ANO4: variants seen among roughly 807,000 people sequenced by gnomAD.
The protein encoded by ANO4 is anoctamin-4.
ANO4 carries 69 observed loss-of-function variants against 141.9 expected under a neutral mutation model. That is an observed-to-expected ratio of 0.49 (90% CI 0.40 to 0.59). ANO4 has a LOEUF of 0.59. Among genes scored for constraint, ANO4 ranks in the 20% least tolerant of loss-of-function variants. ANO4 has a pLI of 0.00. For missense variants in ANO4, 894 were observed against 1,162.2 expected (o/e 0.77, Z 3.36); for synonymous variants, 350 against 394.3 (o/e 0.89, Z 1.33).
chr12:100,740,009 C>A (rs967746335), exon 3 of ANO4: 3 of 702,460 alleles, frequency 4.3e-6, no homozygotes, highest in Admixed American at 4.0e-5. Flanking sequence ...CAAGACTGAC[C>A]AGGCCACACC....
chr12:100,859,473 A>G (rs1367845500), intron 1 of ANO4, among the ~76,000 whole-genome samples: 1 of 152,156 alleles, frequency 6.6e-6, no homozygotes, highest in Non-Finnish European at 1.5e-5. Flanking sequence ...GAGTAATGTT[A>G]TGGTGGCAGA....
chr12:100,769,041 T>A (rs554581214), intron 3 of ANO4, among the ~76,000 whole-genome samples: 1 of 152,350 alleles, frequency 6.6e-6, no homozygotes, highest in South Asian at 2.1e-4. Flanking sequence ...GTAGCTTCTC[T>A]GTTGAAACCA....
At position 100,741,946 on chromosome 12, in the gene ANO4, A is replaced by G. The variant is rs939457586; in HGVS notation, c.358+1841A>G. 3.9e-5 allele frequency among the ~76,000 whole-genome samples: 6 copies of G among 152,084 alleles called. 1 individual carries two copies. Among genetic ancestry groups the G allele is most frequent in the Admixed American group, 2.6e-4 (4 of 15,260 alleles). On this transcript the variant is annotated intron_variant, in intron 3 of 29. Coordinates refer to the ANO4 transcript ENST00000644049. ...ATTAACATTTTATCATGGTTCCCTT[A>G]GTTGACTTTTTTTCTCCTCCATAGA...
intron 3 of ANO4, among the ~76,000 whole-genome samples, chr12:100,925,207 T>G (rs576507508): frequency 6.6e-6 from 1 of 152,180 alleles, no homozygotes; most frequent in South Asian, 2.1e-4. Flanking sequence ...ATGATCGAAA[T>G]TTTTAGCCAG....
intron 1 of ANO4, among the ~76,000 whole-genome samples, chr12:100,812,110 C>T (rs1282180915): frequency 1.3e-5 from 2 of 152,124 alleles, no homozygotes; most frequent in East Asian, 1.9e-4. Context: ...AATCATGAAT[C>T]GTTCTTATTT....
At chr12:100,852,207 T>C (rs193087900) in intron 1 of ANO4, 1 of 152,362 alleles carries the variant, frequency 6.6e-6, no homozygotes, top group Admixed American at 6.5e-5. Context: ...TTGTGCTTTC[T>C]TGCTTATAAA....
intron 2 of ANO4, among the ~76,000 whole-genome samples, chr12:100,919,736 G>GTATCTATCTATCTATC (rs371838179): frequency 1.5e-4 from 20 of 133,144 alleles, no homozygotes; most frequent in Non-Finnish European, 2.6e-4. Context: ...GTGTATGTAT[G>GTATCTATCTATCTATC]TATCTATCTA....
intron 1 of ANO4, among the ~76,000 whole-genome samples, chr12:100,721,782 A>T (rs1211717327): frequency 6.6e-6 from 1 of 151,872 alleles, no homozygotes; most frequent in Admixed American, 6.6e-5. Context: ...TGGCTCAAGC[A>T]GTCTTCCTTC....
intron 1 of ANO4, among the ~76,000 whole-genome samples, chr12:100,822,996 T>C (rs533609836): frequency 6.6e-6 from 1 of 152,170 alleles, no homozygotes; most frequent in African/African-American, 2.4e-5. Flanking sequence ...AAACAACATA[T>C]ACACTAAAGA....
At chr12:100,743,331 A>G (rs974885776) in intron 3 of ANO4, among the ~76,000 whole-genome samples, 1 of 151,468 alleles carries the variant, frequency 6.6e-6, no homozygotes, top group Non-Finnish European at 1.5e-5. Flanking sequence ...TTATTAAATT[A>G]TTTCTTCAAT....
intron 10 of ANO4, chr12:101,038,575 T>A (rs2136604364): frequency 6.6e-6 from 1 of 152,330 alleles, no homozygotes; most frequent in South Asian, 2.1e-4. Flanking sequence ...CTTTTCTGAC[T>A]TTTTACTCTC....
intron 3 of ANO4, among the ~76,000 whole-genome samples, chr12:100,746,544 T>C (rs1294059916): frequency 1.3e-5 from 2 of 152,144 alleles, no homozygotes; most frequent in Non-Finnish European, 2.9e-5. Flanking sequence ...AGAAGAATGA[T>C]TTCTCAAGCA....
intron 9 of ANO4, among the ~76,000 whole-genome samples, chr12:101,021,414 A>C (rs2046522536): frequency 6.6e-6 from 1 of 152,236 alleles, no homozygotes; most frequent in African/African-American, 2.4e-5. Context: ...TTCCTCCTCC[A>C]GTGTCCCTCC....
chr12:100,914,009 TTC>T (rs2041227660), intron 2 of ANO4, among the ~76,000 whole-genome samples: 1 of 152,244 alleles, frequency 6.6e-6, no homozygotes, highest in Non-Finnish European at 1.5e-5. Flanking sequence ...AGTTTGTCTC[TTC>T]TCCTCATCTG....
At chr12:101,098,898 A>G (rs1028256676) in intron 21 of ANO4, among the ~76,000 whole-genome samples, 9 of 152,022 alleles carry the variant, frequency 5.9e-5, no homozygotes, top group African/African-American at 2.2e-4. Context: ...CTACTCCTGG[A>G]TATCCTTCAA....
chr12:101,034,163 A>T (rs1001104321), intron 9 of ANO4, among the ~76,000 whole-genome samples: 2 of 152,208 alleles, frequency 1.3e-5, no homozygotes, highest in African/African-American at 4.8e-5. Context: ...AATATAAAGC[A>T]TTCTACTGTA....
rs17030540 is a variant in ANO4, at chr12:100,756,140, A to G, written c.358+16035A>G. On this transcript the variant is annotated intron_variant, in intron 3 of 29. Transcript: ENST00000644049. ...AAAAGTTATATTGAAGTGCTTTTAAATGCTTTATATTATCCATCTATACTG... is the reference window on the plus strand; with the variant it reads ...AAAAGTTATATTGAAGTGCTTTTAAGTGCTTTATATTATCCATCTATACTG... 9.4e-3 allele frequency among the ~76,000 whole-genome samples: 1,436 copies of G among 152,308 alleles called. 29 individuals carry two copies. The highest frequency in any genetic ancestry group is 0.033 in the African/African-American group (1,356 of 41,566).
rs187940754 is a variant in ANO4, at chr12:100,762,632, T to C, written c.358+22527T>C. On this transcript the variant is annotated intron_variant, in intron 3 of 29. Coordinates refer to the ANO4 transcript ENST00000644049. ...GCACATCTTCAACACTAGATGATAC[T>C]GTAGTCAAAGGAAAGTGCAAGTGGG... 5.9e-5 allele frequency among the ~76,000 whole-genome samples: 9 copies of C among 152,284 alleles called. No individual in the cohort carries two copies. In the East Asian group the frequency reaches 1.7e-3, roughly 29 times the overall value.
intron 26 of ANO4, among the ~76,000 whole-genome samples, chr12:101,121,524 A>T (rs2051092619): frequency 6.6e-6 from 1 of 152,312 alleles, no homozygotes; most frequent in East Asian, 1.9e-4. Context: ...TGCTATTGTG[A>T]ATAGTCCTGT....
Sources: allele counts gnomAD v4.1 joint callset (sites outside exome capture counted in the v4.1 genomes callset), GRCh38; gene constraint gnomAD v4.1.1; transcripts MANE v1.5; gene names NCBI Gene and HGNC (gene_info 2026-07-23, HGNC 2026-07-21).